Variants in MCPH1 observed in about 807,000 individuals in gnomAD.
MCPH1 encodes the protein microcephalin.
Under a neutral mutation model 84.5 loss-of-function variants are expected in MCPH1, and 104 were observed. That is an observed-to-expected ratio of 1.23 (90% confidence interval 1.05 to 1.45). MCPH1 has a LOEUF of 1.45. Ranked by LOEUF, MCPH1 falls within the 40% of genes most tolerant of loss-of-function variation. MCPH1 has a pLI of 0.00. For synonymous variants in MCPH1, 514 were observed against 366.8 expected (o/e 1.40, Z -4.58); for missense variants, 1,498 against 1,005.7 (o/e 1.49, Z -6.62).
At chr8:6,560,588 C>T (rs184034014) in intron 12 of MCPH1, among the ~76,000 whole-genome samples, 1 of 152,124 alleles carries the variant, frequency 6.6e-6, no homozygotes, top group African/African-American at 2.4e-5. Flanking sequence ...AGGTGTGGAG[C>T]CCGTGAAAAG....
At chr8:6,612,958 C>G (rs3020256) in intron 12 of MCPH1, among the ~76,000 whole-genome samples, 86,284 of 152,162 alleles carry the variant, frequency 0.57, 24,875 homozygotes, top group Middle Eastern at 0.61. Flanking sequence ...CATTTGTGTT[C>G]TTTGTTGTTG....
intron 13 of MCPH1, among the ~76,000 whole-genome samples, chr8:6,633,819 G>A (rs1797338719): frequency 6.6e-6 from 1 of 152,158 alleles, no homozygotes; most frequent in African/African-American, 2.4e-5. Context: ...TCTCTGCAGT[G>A]TCATGTAAAA....
intron 9 of MCPH1, among the ~76,000 whole-genome samples, chr8:6,469,340 A>T (rs1807416076): frequency 6.6e-6 from 1 of 152,188 alleles, no homozygotes. Context: ...TTGTTTAAAG[A>T]TCTGGGATCT....
intron 12 of MCPH1, among the ~76,000 whole-genome samples, chr8:6,610,769 T>A (rs951801704): frequency 1.3e-5 from 2 of 152,104 alleles, no homozygotes; most frequent in African/African-American, 2.4e-5. Context: ...AGAACTGTCT[T>A]CATACACTCG....
rs1402559543 is a variant in MCPH1 at position 6,605,290 on chromosome 8, T to G, written c.2215-16164T>G. On this transcript the variant is annotated intron_variant, in intron 12 of 13. Transcript: ENST00000344683. ...GAGCTTGTCACTGCCCTTTCTCTCC[T>G]CCCTGCCTGTACTCCTGTTCGCTTG... is the stretch of plus-strand genomic sequence containing the variant. Among the ~76,000 whole-genome samples the G allele has an allele frequency of 2.0e-5, 3 of 152,302 alleles. No homozygotes were observed. In the East Asian group the frequency reaches 5.8e-4, roughly 29 times the overall value.
chr8:6,505,362 T>TAC lies in MCPH1; in HGVS notation c.2214+5434_2214+5435insCA, dbSNP rs1554514717. Among the ~76,000 whole-genome samples the TAC allele has an allele frequency of 4.3e-3, 219 of 50,766 alleles. 30 individuals carry two copies. Among genetic ancestry groups the TAC allele is most frequent in the African/African-American group, 0.014 (200 of 13,824 alleles). 33.3% of individuals were successfully genotyped at this position (50,766 alleles called of 152,430 possible). On this transcript the variant is annotated intron_variant, in intron 12 of 13. Coordinates refer to ENST00000344683, the MANE Select transcript of MCPH1 (RefSeq NM_024596.5). ...AGAATATATATATTCTTTCTATATG[T>TAC]ATATAGAATATATATATTCTTTCTA...
At chr8:6,640,111 T>TGTGTGTGTGC (rs1797849371) in intron 13 of MCPH1, among the ~76,000 whole-genome samples, 2 of 148,970 alleles carry the variant, frequency 1.3e-5, no homozygotes, top group African/African-American at 5.0e-5. Context: ...CGCGCGTGTG[T>TGTGTGTGTGC]GTGTGTGTGC....
intron 11 of MCPH1, among the ~76,000 whole-genome samples, chr8:6,492,009 A>C (rs1296797586): frequency 6.6e-6 from 1 of 152,182 alleles, no homozygotes; most frequent in East Asian, 1.9e-4. Flanking sequence ...GGATGGCTGG[A>C]TCAAATGGTA....
chr8:6,607,585 T>C (rs1233903485), intron 12 of MCPH1, among the ~76,000 whole-genome samples: 2 of 152,204 alleles, frequency 1.3e-5, no homozygotes, highest in African/African-American at 2.4e-5. Context: ...TCATCTTGAA[T>C]TGTAGCTCCC....
chr8:6,407,711 A>G (rs948184138), intron 1 of MCPH1, among the ~76,000 whole-genome samples: 4 of 152,172 alleles, frequency 2.6e-5, no homozygotes, highest in African/African-American at 7.2e-5. Flanking sequence ...GTTACCCCCA[A>G]TCATTGACCA....
chr8:6,489,063 G>T (rs186803304), intron 11 of MCPH1, among the ~76,000 whole-genome samples: 1 of 152,032 alleles, frequency 6.6e-6, no homozygotes, highest in Non-Finnish European at 1.5e-5. Flanking sequence ...GGAATTCTGG[G>T]GCAGAAGATT....
At chr8:6,502,297 C>A (rs1013837911) in intron 12 of MCPH1, 13 of 151,958 alleles carry the variant, frequency 8.6e-5, no homozygotes, top group Non-Finnish European at 1.5e-4. Context: ...ATAGGCATAT[C>A]CCCTAATAAG....
At chr8:6,616,379 C>T (rs902468953) in intron 12 of MCPH1, 1 of 152,244 alleles carries the variant, frequency 6.6e-6, no homozygotes, top group East Asian at 1.9e-4. Context: ...AGCTGGGATT[C>T]CTTGAAGCTA....
intron 12 of MCPH1, among the ~76,000 whole-genome samples, chr8:6,542,558 C>G (rs902697059): frequency 6.6e-6 from 1 of 151,854 alleles, no homozygotes; most frequent in Non-Finnish European, 1.5e-5. Context: ...AACACCCCAT[C>G]CCGCACTCTC....
At chr8:6,619,864 G>A (rs1338204276) in intron 12 of MCPH1, among the ~76,000 whole-genome samples, 2 of 152,226 alleles carry the variant, frequency 1.3e-5, no homozygotes, top group Non-Finnish European at 2.9e-5. Flanking sequence ...GATTACAGGT[G>A]TGAGCCACCG....
intron 9 of MCPH1, among the ~76,000 whole-genome samples, chr8:6,469,937 G>C (rs562122768): frequency 2.0e-5 from 3 of 152,182 alleles, no homozygotes; most frequent in African/African-American, 7.2e-5. Context: ...CTGGTCGTTG[G>C]ATTCTTTCAT....
At position 6,439,137 on chromosome 8, in the gene MCPH1, C is replaced by T. The variant is rs143289054; in HGVS notation, c.580+41C>T. On this transcript the variant is annotated intron_variant, in intron 6 of 13. Transcript: ENST00000344683. ...GTAAAATGAAAATTATGCAAATAGCCGATTCAATTATGGTGGAAAGCTTCT... is the reference window on the plus strand; with the variant it reads ...GTAAAATGAAAATTATGCAAATAGCTGATTCAATTATGGTGGAAAGCTTCT... 4.7e-4 allele frequency: 748 copies of T among 1,582,878 alleles called. 7 individuals are homozygous for T. Among genetic ancestry groups the T allele is most frequent in the East Asian group, 2.0e-4 (9 of 44,360 alleles).
chr8:6,623,712 A>AAC lies in MCPH1; in HGVS notation c.2452+2022_2452+2023insCA, dbSNP rs1831742802. 4.7e-4 allele frequency among the ~76,000 whole-genome samples: 2 copies of AAC among 4,230 alleles called. 1 individual carries two copies. The highest frequency in any genetic ancestry group is 3.3e-3 in the Admixed American group (2 of 598). 2.8% of individuals were successfully genotyped at this position (4,230 alleles called of 152,430 possible). ...CCAAAAAAAAAAAAAAAAAAAAAAA[A>AAC]AAAAAACTATTGATTTTAGTCACAG... On this transcript the variant is annotated intron_variant, in intron 13 of 13. Coordinates refer to ENST00000344683, the MANE Select transcript of MCPH1 (RefSeq NM_024596.5).
In MCPH1 at chr8:6,406,649, C is replaced by G. The variant is rs1416894798; in HGVS notation, c.-19C>G. On this transcript the variant is annotated 5_prime_UTR_variant, in exon 1 of 14. Coordinates refer to ENST00000344683, the MANE Select transcript of MCPH1 (RefSeq NM_024596.5). ...CGCAAGCACCGCGTAGGCCAGCTGG[C>G]CGGATCCCGCCGTCTGTCATGGCGG... 1.2e-6 allele frequency: 2 copies of G among 1,611,224 alleles called. No homozygotes were observed. Among genetic ancestry groups the G allele is most frequent in the Admixed American group, 3.3e-5 (2 of 59,878 alleles).
Sources: allele counts gnomAD v4.1 joint callset (sites outside exome capture counted in the v4.1 genomes callset), GRCh38; gene constraint gnomAD v4.1.1; transcripts MANE v1.5; gene names NCBI Gene and HGNC (gene_info 2026-07-23, HGNC 2026-07-21).